NEB: variants seen among roughly 807,000 people sequenced by gnomAD.
The protein encoded by NEB is nebulin.
NEB carries 512 observed loss-of-function variants against 952.2 expected under a neutral mutation model. The ratio of observed to expected loss-of-function variants is 0.54; its 90% CI spans 0.50 to 0.58. The LOEUF (loss-of-function observed/expected upper bound fraction) is 0.58, where lower values mean the gene tolerates loss of function less well. Ranked by LOEUF, NEB falls within the 20% of genes least tolerant of loss-of-function variation. NEB has a pLI of 0.00. For synonymous variants in NEB, 2,900 were observed against 3,149.8 expected (o/e 0.92, Z 2.66); for missense variants, 8,428 against 9,231.1 (o/e 0.91, Z 3.56).
rs376636568 is a variant in NEB, at chr2:151,679,736, C to T, written c.3240G>A (p.Arg1080=). The T allele has an allele frequency of 7.4e-6, 12 of 1,611,200 alleles. No individual in the cohort carries two copies. The Admixed American group carries it at 1.2e-4, about 16-fold the overall frequency. The part of the protein sequence containing the change: ...AIPIRAAKAA[R]QAASDVQYKK... ...CTGGACTTACGTCACTCGCCGCCTGCCTGGCAGCTTTGGCAGCTCTGATGG... is the reference window on the plus strand; with the variant it reads ...CTGGACTTACGTCACTCGCCGCCTGTCTGGCAGCTTTGGCAGCTCTGATGG... Residue 1080 remains arginine (R), a synonymous_variant, in exon 32 of 182, where the codon AGG becomes AGA. Transcript: ENST00000397345.
At chr2:151,571,853 G>C (rs2096639951) in intron 107 of NEB, among the ~76,000 whole-genome samples, 1 of 152,164 alleles carries the variant, frequency 6.6e-6, no homozygotes, top group Non-Finnish European at 1.5e-5. Context: ...ATTTTAATTA[G>C]TGACAGTTTT....
rs2065574455 is a variant in NEB at position 151,502,598 on chromosome 2, T to C, written c.23928+195A>G. ...ACAGGTTTTTAAAGAAAGTGATAAA[T>C]ATCTATGTTTTAGAGAAAACACAGT... is the stretch of plus-strand genomic sequence containing the variant. On this transcript the variant is annotated intron_variant, in intron 167 of 181. Transcript: ENST00000397345. 2.0e-5 allele frequency among the ~76,000 whole-genome samples: 3 copies of C among 152,090 alleles called. 1 individual carries two copies. The South Asian group carries it at 6.2e-4, about 31-fold the overall frequency.
chr2:151,708,119 A>G (rs550589802), intron 12 of NEB, among the ~76,000 whole-genome samples: 29 of 152,224 alleles, frequency 1.9e-4, no homozygotes, highest in African/African-American at 7.0e-4. Flanking sequence ...CACCTGCTCT[A>G]GGATATCACT....
chr2:151,529,692 G>A (rs374185098), intron 145 of NEB, among the ~76,000 whole-genome samples: 3 of 152,146 alleles, frequency 2.0e-5, no homozygotes, highest in Admixed American at 6.5e-5. Context: ...CACCTCACCC[G>A]GCTAATTTTG....
chr2:151,621,185 G>C (rs1469338610), intron 71 of NEB, among the ~76,000 whole-genome samples, 159 bp from the exon 72 acceptor site: 1 of 152,006 alleles, frequency 6.6e-6, no homozygotes, highest in African/African-American at 2.4e-5. Flanking sequence ...GTTTATCCTT[G>C]GATATTTATT....
At position 151,656,469 on chromosome 2, in the gene NEB, G is replaced by A. The variant is rs2154149421; in HGVS notation, c.6184-5C>T. 1 of 1,581,948 alleles carries A rather than the reference G, an allele frequency of 6.3e-7. No homozygotes were observed. The highest frequency in any genetic ancestry group is 2.2e-5 in the East Asian group (1 of 44,526). On this transcript the variant is annotated splice_region_variant and splice_polypyrimidine_tract_variant and intron_variant, in intron 48 of 181. Coordinates refer to ENST00000397345, the MANE Select transcript of NEB (RefSeq NM_001164508.2). ...ATAATTGTACTTGTATTTATACTGT[G>A]AAGAAAATATGAGTTTTTACACAGA...
intron 5 of NEB, among the ~76,000 whole-genome samples, chr2:151,726,532 T>G (rs551874737): frequency 6.6e-6 from 1 of 152,152 alleles, no homozygotes; most frequent in African/African-American, 2.4e-5. Flanking sequence ...CCAGAGGACA[T>G]GCAATCAAGC....
At chr2:151,517,223 G>A (rs1202712882) in intron 156 of NEB, among the ~76,000 whole-genome samples, 1 of 152,224 alleles carries the variant, frequency 6.6e-6, no homozygotes. Context: ...ATGTGGTTAA[G>A]AATCAGGGGA....
Position 151,519,078 on chromosome 2 carries a change from T to G in NEB, c.22591-9A>C. The G allele has an allele frequency of 6.4e-7, 1 of 1,563,092 alleles. No homozygotes were observed. Among genetic ancestry groups the G allele is most frequent in the South Asian group, 1.1e-5 (1 of 89,978 alleles). ...TCAGCCTTGTATTTAACCTGTGTGTTATGGGGGAAGAAAGGAAATCACGTA... is the reference window on the plus strand; with the variant it reads ...TCAGCCTTGTATTTAACCTGTGTGTGATGGGGGAAGAAAGGAAATCACGTA... On this transcript the variant is annotated splice_polypyrimidine_tract_variant and intron_variant, in intron 154 of 181. Transcript: ENST00000397345.
At chr2:151,717,916 C>T (rs568317333) in intron 9 of NEB, among the ~76,000 whole-genome samples, 12 of 150,518 alleles carry the variant, frequency 8.0e-5, no homozygotes, top group Middle Eastern at 3.4e-3. Context: ...TGCAGTAGCG[C>T]GATCTCGGCT....
chr2:151,706,782 G>T, intron 13 of NEB, 99 bp downstream of exon 13: 1 of 836,742 alleles, frequency 1.2e-6, no homozygotes, highest in Non-Finnish European at 1.9e-6. Context: ...TAACCTTAAT[G>T]TATTTGCAAA....
Position 151,548,419 on chromosome 2 carries a change from C to T in NEB, c.20050-4G>A. The stretch of plus-strand genomic sequence containing the variant: ...CATAGGCTTCTTTGTACTTGAACTG[C>T]AAAAGCAAAGTCAGAATGAGATCAA... On this transcript the variant is annotated splice_polypyrimidine_tract_variant and splice_region_variant and intron_variant, in intron 130 of 181. Coordinates refer to ENST00000397345, the MANE Select transcript of NEB (RefSeq NM_001164508.2). 6.3e-7 allele frequency: 1 copy of T among 1,592,242 alleles called. No individual in the cohort carries two copies. The highest frequency in any genetic ancestry group is 1.1e-5 in the South Asian group (1 of 90,574).
At chr2:151,614,222 A>G (rs971786143) in intron 77 of NEB, 54 bp downstream of exon 77, 2 of 1,581,002 alleles carry the variant, frequency 1.3e-6, no homozygotes, top group Non-Finnish European at 1.7e-6. Context: ...CCATGGCACA[A>G]AAGAGTTAGA....
rs761807814 is a variant in NEB at position 151,576,309 on chromosome 2, T to C, written c.16750A>G (p.Met5584Val). ...AACACTTCAGGAGACCCTTGGGGCA[T>C]CCAGCCAATGCCACGCAACCACTCC... ...DLEWLRGIGWMPQGSPEVLRV... is the reference protein window; with the variant it reads ...DLEWLRGIGWVPQGSPEVLRV... The change falls in exon 106 of 182, where the codon ATG (methionine) becomes GTG (valine). Residue 5584 changes from methionine to valine, a missense_variant. Coordinates refer to ENST00000397345, the MANE Select transcript of NEB (RefSeq NM_001164508.2). 14 of 1,609,162 alleles carry C rather than the reference T, an allele frequency of 8.7e-6. No homozygotes were observed. The highest frequency in any genetic ancestry group is 1.7e-4 in the Middle Eastern group (1 of 6,040).
At chr2:151,496,643 C>T (rs1418512748) in intron 172 of NEB, among the ~76,000 whole-genome samples, 1 of 151,766 alleles carries the variant, frequency 6.6e-6, no homozygotes, top group Non-Finnish European at 1.5e-5. Context: ...TACGGTGCCT[C>T]CTAAACAATC....
chr2:151,546,237 T>G, intron 134 of NEB, 108 bp downstream of exon 134: 1 of 896,142 alleles, frequency 1.1e-6, no homozygotes, highest in East Asian at 2.4e-5. Context: ...AAATTTCCCC[T>G]TAAAAGTAGC....
At position 151,607,738 on chromosome 2, in the gene NEB, T is replaced by C. The variant is rs1342493638; in HGVS notation, c.12535-130A>G. ...GGAAAAACGTTTTTACATATGTTTA[T>C]AATGGTTAACTTTATGTGTCAGCTT... On this transcript the variant is annotated intron_variant, in intron 82 of 181. Coordinates refer to ENST00000397345, the MANE Select transcript of NEB (RefSeq NM_001164508.2). The C allele has an allele frequency of 3.7e-5, 8 of 215,654 alleles. No individual in the cohort carries two copies. In the African/African-American group the frequency reaches 3.8e-4, roughly 10 times the overall value. 13.4% of individuals were successfully genotyped at this position (215,654 alleles called of 1,614,324 possible). A position where few individuals can be genotyped will look rare whatever the true frequency, so the allele number is the denominator to read the frequency against.
rs117959904 is a variant in NEB, at chr2:151,518,280, A to G, written c.22800+38T>C. 2,490 of 1,395,780 alleles carry G rather than the reference A, an allele frequency of 1.8e-3. 35 individuals are homozygous for G. In the East Asian group the frequency reaches 0.032, roughly 18 times the overall value. The allele number at this position is 1,395,780 out of a possible 1,614,324, so 86.5% of individuals were successfully genotyped here. On this transcript the variant is annotated intron_variant, in intron 156 of 181. Transcript: ENST00000397345. ...TTTTTTCACATTGTACTGTGGATGA[A>G]TGTGCGCCAGAGGAAAAATCGGTCT...
chr2:151,692,970 A>AAAAAACAAAG (rs2099570342), intron 20 of NEB, among the ~76,000 whole-genome samples: 1 of 152,196 alleles, frequency 6.6e-6, no homozygotes, highest in Non-Finnish European at 1.5e-5. Flanking sequence ...AGCCTGTCTC[A>AAAAAACAAAG]AAAAACAAAG....
Sources: gnomAD v4.1 joint callset for allele counts (sites outside exome capture counted in the v4.1 genomes callset) on GRCh38, gnomAD v4.1.1 for gene constraint, MANE v1.5 for transcripts, NCBI Gene and HGNC (gene_info 2026-07-23, HGNC 2026-07-21) for gene names.